The following PTPRD variants were observed in gnomAD, a reference collection of about 807,000 sequenced individuals.
PTPRD encodes receptor-type tyrosine-protein phosphatase delta.
A neutral mutation model predicts 214.5 loss-of-function variants in PTPRD; 34 were observed. The ratio of observed to expected loss-of-function variants is 0.16; its 90% CI spans 0.12 to 0.21. PTPRD has a LOEUF of 0.21. PTPRD is among the 10% of genes least tolerant of loss of function. The probability of loss-of-function intolerance (pLI) is 1.00; values close to 1 mark genes in which losing one functional copy is unlikely to be tolerated. For synonymous variants in PTPRD, 1,128 were observed against 845.7 expected (o/e 1.33, Z -5.79); for missense variants, 2,545 against 2,398.7 (o/e 1.06, Z -1.27).
At chr9:10,606,658 G>A (rs773279172) in intron 2 of PTPRD, among the ~76,000 whole-genome samples, 2 of 151,412 alleles carry the variant, frequency 1.3e-5, no homozygotes, top group African/African-American at 2.4e-5. Context: ...TCTTAACTGA[G>A]CAAGGACTAT....
At chr9:9,778,891 C>G (rs1597546277) in intron 5 of PTPRD, among the ~76,000 whole-genome samples, 1 of 151,408 alleles carries the variant, frequency 6.6e-6, no homozygotes, top group African/African-American at 2.4e-5. Flanking sequence ...TAAAGAACCC[C>G]AATAGTAAAA....
chr9:9,324,698 C>T (rs9408756), intron 9 of PTPRD, among the ~76,000 whole-genome samples: 3 of 151,876 alleles, frequency 2.0e-5, no homozygotes, highest in Non-Finnish European at 4.4e-5. Context: ...TAGTTTAATT[C>T]GATCCCATTT....
At chr9:9,774,463 T>A (rs2098780179) in intron 5 of PTPRD, among the ~76,000 whole-genome samples, 1 of 152,222 alleles carries the variant, frequency 6.6e-6, no homozygotes, top group South Asian at 2.1e-4. Context: ...GGTTCCATCA[T>A]TTATTAACCT....
chr9:10,193,223 A>T, intron 3 of PTPRD, among the ~76,000 whole-genome samples: 1 of 151,500 alleles, frequency 6.6e-6, no homozygotes, highest in East Asian at 1.9e-4. Context: ...TATGTAGTTT[A>T]TGTAAGGTTT....
At chr9:9,547,083 C>T (rs2078980337) in intron 8 of PTPRD, among the ~76,000 whole-genome samples, 1 of 151,962 alleles carries the variant, frequency 6.6e-6, no homozygotes, top group African/African-American at 2.4e-5. Context: ...ACAGCTATCA[C>T]AAAGACTCTA....
intron 12 of PTPRD, among the ~76,000 whole-genome samples, chr9:8,710,785 G>C (rs1039291282): frequency 2.6e-5 from 4 of 151,950 alleles, no homozygotes; most frequent in East Asian, 3.9e-4. Flanking sequence ...TTATTAAAAA[G>C]ACTTTATTTC....
intron 4 of PTPRD, among the ~76,000 whole-genome samples, chr9:10,017,249 ATTAAC>A (rs2096738331): frequency 6.6e-6 from 1 of 152,158 alleles, no homozygotes; most frequent in Non-Finnish European, 1.5e-5. Flanking sequence ...GGTATAAGCT[ATTAAC>A]TTGTAAAATT....
chr9:9,485,940 C>T (rs891216454), intron 8 of PTPRD, among the ~76,000 whole-genome samples: 1 of 151,934 alleles, frequency 6.6e-6, no homozygotes, highest in East Asian at 1.9e-4. Flanking sequence ...ATCATGAAGT[C>T]AGGAGTTTGA....
At chr9:9,577,294 T>G (rs2089203707) in intron 7 of PTPRD, among the ~76,000 whole-genome samples, 1 of 152,192 alleles carries the variant, frequency 6.6e-6, no homozygotes, top group African/African-American at 2.4e-5. Context: ...CTGGGCATGG[T>G]GGCTAATGTC....
intron 6 of PTPRD, among the ~76,000 whole-genome samples, chr9:9,752,185 G>A (rs1162570725): frequency 6.6e-6 from 1 of 152,040 alleles, no homozygotes; most frequent in Non-Finnish European, 1.5e-5. Flanking sequence ...CTAAATTGAA[G>A]TTTGGGGATT....
At chr9:8,469,341 A>C (rs1347097691) in intron 31 of PTPRD, among the ~76,000 whole-genome samples, 1 of 152,082 alleles carries the variant, frequency 6.6e-6, no homozygotes, top group Non-Finnish European at 1.5e-5. Context: ...TTATTAGTTA[A>C]AACTATTTGA....
chr9:9,525,120 G>A (rs62533257), intron 8 of PTPRD, among the ~76,000 whole-genome samples: 6,618 of 152,302 alleles, frequency 0.043, 207 homozygotes, highest in Non-Finnish European at 0.066. Flanking sequence ...GCATCCCAAA[G>A]TGCTGGGATT....
intron 3 of PTPRD, among the ~76,000 whole-genome samples, chr9:10,185,121 T>C (rs1267776972): frequency 6.6e-6 from 1 of 152,180 alleles, no homozygotes; most frequent in Non-Finnish European, 1.5e-5. Flanking sequence ...AACACTATTA[T>C]CAGAACAGCA....
chr9:8,407,624 T>C (rs2093124882), intron 35 of PTPRD, among the ~76,000 whole-genome samples: 1 of 152,218 alleles, frequency 6.6e-6, no homozygotes, highest in Admixed American at 6.5e-5. Context: ...CCAAATGATA[T>C]TTCTTCCCAA....
intron 3 of PTPRD, among the ~76,000 whole-genome samples, chr9:10,151,454 G>A (rs776027970): frequency 4.0e-5 from 6 of 151,558 alleles, no homozygotes; most frequent in South Asian, 2.1e-4. Flanking sequence ...GTAGAGACTG[G>A]GTTTTACCAT....
rs57555178 is a variant in PTPRD, at chr9:8,816,740, A to T, written c.-103-82794T>A. ...CACTCTTTCCATATCAACATGTTAAATTACTCAAGTTCAGTCTTTTTACAT... is the reference window on the plus strand; with the variant it reads ...CACTCTTTCCATATCAACATGTTAATTTACTCAAGTTCAGTCTTTTTACAT... On this transcript the variant is annotated intron_variant, in intron 11 of 45. Transcript: ENST00000381196. Among the ~76,000 whole-genome samples the T allele has an allele frequency of 3.3e-3, 500 of 152,360 alleles. 1 individual carries two copies. The highest frequency in any genetic ancestry group is 0.011 in the African/African-American group (463 of 41,576).
At chr9:8,987,011 T>C (rs1304837561) in intron 11 of PTPRD, among the ~76,000 whole-genome samples, 1 of 151,670 alleles carries the variant, frequency 6.6e-6, no homozygotes, top group African/African-American at 2.4e-5. Flanking sequence ...ATATTTGTTA[T>C]TTGCAACCCA....
intron 5 of PTPRD, among the ~76,000 whole-genome samples, chr9:9,768,062 G>A (rs141484923): frequency 6.6e-6 from 1 of 152,126 alleles, no homozygotes. Context: ...GGATGTTGTT[G>A]CTTAAAATAC....
At chr9:8,948,493 TTATA>T (rs1219587496) in intron 11 of PTPRD, among the ~76,000 whole-genome samples, 4 of 48,434 alleles carry the variant, frequency 8.3e-5, no homozygotes, top group African/African-American at 2.7e-4. Flanking sequence ...ATATATATAT[TTATA>T]TATATATTTA....
Sources: allele counts gnomAD v4.1 joint callset (sites outside exome capture counted in the v4.1 genomes callset), GRCh38; gene constraint gnomAD v4.1.1; transcripts MANE v1.5; gene names NCBI Gene and HGNC (gene_info 2026-07-23, HGNC 2026-07-21).